DEPDC1: variants seen among roughly 807,000 people sequenced by gnomAD.
DEPDC1 encodes the protein DEP domain-containing protein 1A.
In DEPDC1, 66 loss-of-function variants were observed where a neutral mutation model predicts 86.8. The observed-to-expected ratio is 0.76, with a 90% CI of 0.62 to 0.93. The LOEUF (loss-of-function observed/expected upper bound fraction) is 0.93. Ranked by LOEUF, DEPDC1 falls within the 40% of genes least tolerant of loss-of-function variation. DEPDC1 has a pLI of 0.00. For missense variants in DEPDC1, 792 were observed against 935.7 expected, an observed-to-expected ratio of 0.85 and a Z score of 2.00; for synonymous variants, 255 against 314.9, an observed-to-expected ratio of 0.81 and a Z score of 2.02.
At chr1:68,483,894 T>C (rs1286327943) in intron 7 of DEPDC1, 56 bp downstream of exon 7, 1 of 1,140,762 alleles carries the variant, frequency 8.8e-7, no homozygotes, top group Admixed American at 2.8e-5. Flanking sequence ...TTCTAAATTA[T>C]AAGAAAGTTG....
At chr1:68,483,153 T>C in intron 7 of DEPDC1, 2 of 543,494 alleles carry the variant, frequency 3.7e-6, no homozygotes, top group Non-Finnish European at 6.6e-6. Flanking sequence ...CCTAATTAAA[T>C]GGATTGAGCC....
intron 5 of DEPDC1, among the ~76,000 whole-genome samples, chr1:68,487,574 G>C (rs1449162889): frequency 6.6e-6 from 1 of 151,892 alleles, no homozygotes; most frequent in African/African-American, 2.4e-5. Flanking sequence ...TTTAGGTAAT[G>C]GAAGAAGGGA....
intron 5 of DEPDC1, 25 bp downstream of exon 5, chr1:68,488,349 G>C: frequency 6.4e-7 from 1 of 1,553,860 alleles, no homozygotes; most frequent in Non-Finnish European, 8.6e-7. Context: ...GTTTTTAAAA[G>C]TCCAATTATT....
At chr1:68,485,202 A>C (rs1418250824) in intron 6 of DEPDC1, among the ~76,000 whole-genome samples, 3 of 151,864 alleles carry the variant, frequency 2.0e-5, no homozygotes, top group African/African-American at 4.8e-5. Flanking sequence ...TCTTAACAAC[A>C]GAGCAAAATA....
At chr1:68,494,806 T>C in intron 1 of DEPDC1, 111 bp from the exon 2 acceptor site, 1 of 876,032 alleles carries the variant, frequency 1.1e-6, no homozygotes, top group East Asian at 2.7e-5. Context: ...GATTATATCA[T>C]AAAAATTCTT....
Position 68,477,878 on chromosome 1 carries a change from G to A in DEPDC1, c.2207C>T (p.Ser736Phe). 1 of 1,589,574 alleles carries A rather than the reference G, an allele frequency of 6.3e-7. No homozygotes were observed. Among genetic ancestry groups the A allele is most frequent in the Non-Finnish European group, 8.6e-7 (1 of 1,167,288 alleles). The change falls in exon 11 of 12, where the codon TCT (serine) becomes TTT (phenylalanine). Residue 736 changes from serine to phenylalanine, a missense_variant. Ser to Phe is a radical substitution (Grantham distance 155). Coordinates refer to ENST00000456315, the MANE Select transcript of DEPDC1 (RefSeq NM_001114120.3). ...SAQEFDEQKV[S>F]TSQAAIAELL... Reference sequence around the variant, plus strand: ...TTCTGCAATTGCAGCTTGAGAGGTAGAAACTTTTTGCTCATCAAACTCCTG... The same window carrying A: ...TTCTGCAATTGCAGCTTGAGAGGTAAAAACTTTTTGCTCATCAAACTCCTG...
At chr1:68,480,266 A>ACG (rs1231535793) in intron 9 of DEPDC1, among the ~76,000 whole-genome samples, 4 of 150,770 alleles carry the variant, frequency 2.7e-5, no homozygotes, top group African/African-American at 9.9e-5. Flanking sequence ...ACACACACAC[A>ACG]CACACACACA....
In DEPDC1 at chr1:68,489,025, C is replaced by T. The variant is rs781279525; in HGVS notation, c.481G>A (p.Glu161Lys). 4.0e-5 allele frequency: 64 copies of T among 1,594,774 alleles called. No homozygotes were observed. The highest frequency in any genetic ancestry group is 1.2e-4 in the African/African-American group (9 of 74,298). ...HGLHLSQENG[E>K]KIKHEIINED... is the part of the protein sequence containing the mutation. ...TTGATTATTTCATGCTTTATTTTCT[C>T]GCCATTTTCCTGAAAAAAGGATTAT... Residue 161 changes from glutamate (E) to lysine (K), a missense_variant, in exon 4 of 12, where the codon GAG (glutamate) becomes AAG (lysine). By Grantham distance (56) the Glu-to-Lys change is moderately conservative. Coordinates refer to ENST00000456315, the MANE Select transcript of DEPDC1 (RefSeq NM_001114120.3).
At chr1:68,484,936 G>GCA (rs1365569719) in intron 6 of DEPDC1, among the ~76,000 whole-genome samples, 1 of 108,260 alleles carries the variant, frequency 9.2e-6, no homozygotes, top group African/African-American at 3.2e-5. Flanking sequence ...TCTTCTGGAG[G>GCA]CATATATATA....
At chr1:68,494,742 AT>A in intron 1 of DEPDC1, 47 bp from the exon 2 acceptor site, 1 of 1,479,216 alleles carries the variant, frequency 6.8e-7, no homozygotes, top group Non-Finnish European at 9.2e-7. Context: ...GAAAAATTAA[AT>A]CTCATATTGA....
rs1326363931 is a variant in DEPDC1 at position 68,489,438 on chromosome 1, A to G, written c.471+14T>C. 6.9e-7 allele frequency: 1 copy of G among 1,453,058 alleles called. No individual in the cohort carries two copies. The highest frequency in any genetic ancestry group is 9.1e-7 in the Non-Finnish European group (1 of 1,097,358). The allele number at this position is 1,453,058 out of a possible 1,614,324, so 90.0% of individuals were successfully genotyped here. On this transcript the variant is annotated intron_variant, in intron 3 of 11. Transcript: ENST00000456315. ...ATTATATTTAAACTAGTAATTAGTA[A>G]AAGGATGTGTTACCTGAGATAAATG...
At position 68,481,608 on chromosome 1, in the gene DEPDC1, C is replaced by G; in HGVS notation, c.1767G>C (p.Leu589Phe). The G allele has an allele frequency of 6.4e-7, 1 of 1,563,358 alleles. No homozygotes were observed. The highest frequency in any genetic ancestry group is 8.6e-7 in the Non-Finnish European group (1 of 1,156,100). Residue 589 changes from leucine to phenylalanine, a missense_variant, in exon 9 of 12, where the codon TTG becomes TTC. Transcript: ENST00000456315. ...CAACCCTCTCTAAATGAGGTTGCAG[C>G]AAGCCTAGAATACAAAAATACCCCC... ...ASSMLTGTQS[L>F]LQPHLERVAI...
intron 4 of DEPDC1, 101 bp from the exon 5 acceptor site, chr1:68,488,605 C>A (rs941016048): frequency 3.9e-5 from 41 of 1,045,862 alleles, no homozygotes; most frequent in Non-Finnish European, 5.4e-6. Context: ...ATTTTTTTAA[C>A]CAAATTTCTA....
intron 10 of DEPDC1, 108 bp downstream of exon 10, chr1:68,479,036 T>C: frequency 1.1e-6 from 1 of 893,946 alleles, no homozygotes; most frequent in South Asian, 1.8e-5. Context: ...CTTTTAGAGG[T>C]TGTTTATGGG....
At position 68,489,487 on chromosome 1, in the gene DEPDC1, T is replaced by C; in HGVS notation, c.436A>G (p.Arg146Gly). Residue 146 changes from arginine to glycine, a missense_variant, in exon 3 of 12, where the codon AGA becomes GGA. Transcript: ENST00000456315. ...TGTAATCCATGCCTTTTAGGAGTTC[T>C]ACGAGATAAGTTTCGTAATTTAAAA... is the stretch of plus-strand genomic sequence containing the variant. The part of the protein sequence containing the change: ...SIFKLRNLSR[R>G]TPKRHGLHLS... 6.5e-7 allele frequency: 1 copy of C among 1,529,740 alleles called. No homozygotes were observed. The highest frequency in any genetic ancestry group is 1.4e-5 in the African/African-American group (1 of 69,262). 94.8% of individuals were successfully genotyped at this position (1,529,740 alleles called of 1,614,324 possible).
chr1:68,484,706 T>G (rs974220872), intron 6 of DEPDC1, among the ~76,000 whole-genome samples: 1 of 151,914 alleles, frequency 6.6e-6, no homozygotes, highest in African/African-American at 2.4e-5. Context: ...CAGTGTAAAA[T>G]AAGCACAAGG....
chr1:68,491,151 A>C (rs1331808121), intron 2 of DEPDC1, among the ~76,000 whole-genome samples: 1 of 152,214 alleles, frequency 6.6e-6, no homozygotes, highest in African/African-American at 2.4e-5. Context: ...AAGATGCTAA[A>C]AGCAGTTGCA....
chr1:68,494,676 G>T lies in DEPDC1; in HGVS notation c.68C>A (p.Ser23Tyr). The T allele has an allele frequency of 6.2e-7, 1 of 1,613,236 alleles. No individual in the cohort carries two copies. The highest frequency in any genetic ancestry group is 8.5e-7 in the Non-Finnish European group (1 of 1,179,416). Residue 23 changes from serine (S) to tyrosine (Y), a missense_variant, in exon 2 of 12, where the codon TCT (serine) becomes TAT (tyrosine). Ser to Tyr is a moderately radical substitution (Grantham distance 144, BLOSUM62 -2). Coordinates refer to ENST00000456315, the MANE Select transcript of DEPDC1 (RefSeq NM_001114120.3). ...TCTTAGAGGCATTCCTGCTCGAAAA[G>T]ATGTGGTAACTTCATTCCACTGTAA... Reference protein sequence around the residue: ...ATKLWNEVTTSFRAGMPLRKH... With the variant: ...ATKLWNEVTTYFRAGMPLRKH...
In DEPDC1 at chr1:68,497,080, C is replaced by A. The variant is rs1353539935; in HGVS notation, c.-81G>T. 22 of 1,505,586 alleles carry A rather than the reference C, an allele frequency of 1.5e-5. No individual in the cohort carries two copies. The highest frequency in any genetic ancestry group is 1.7e-5 in the Non-Finnish European group (19 of 1,089,636). 93.3% of individuals were successfully genotyped at this position (1,505,586 alleles called of 1,614,324 possible). On this transcript the variant is annotated 5_prime_UTR_variant, in exon 1 of 12. Coordinates refer to ENST00000456315, the MANE Select transcript of DEPDC1 (RefSeq NM_001114120.3). Reference sequence around the variant, plus strand: ...CGGCCGCGGCAGTGGCGAGTCTCGGCACAACCGTTGGCCCCGCCGCCGATT... The same window carrying A: ...CGGCCGCGGCAGTGGCGAGTCTCGGAACAACCGTTGGCCCCGCCGCCGATT...
Sources: allele counts gnomAD v4.1 joint callset (sites outside exome capture counted in the v4.1 genomes callset), GRCh38; gene constraint gnomAD v4.1.1; transcripts MANE v1.5; gene names NCBI Gene and HGNC (gene_info 2026-07-23, HGNC 2026-07-21).